TPRX1: variants seen among roughly 807,000 people sequenced by gnomAD.
TPRX1 encodes tetrapeptide repeat homeobox 1, also known as tetra-peptide repeat homeobox protein 1.
A neutral mutation model predicts 8.1 loss-of-function variants in TPRX1; 2 were observed. That is an observed-to-expected ratio of 0.25 (90% CI 0.10 to 0.78). TPRX1 has a LOEUF of 0.78. Ranked by LOEUF, TPRX1 falls within the 30% of genes least tolerant of loss-of-function variation. The pLI, the probability that TPRX1 is intolerant of heterozygous loss-of-function variation, is 0.70. For missense variants in TPRX1, 517 were observed against 586.9 expected, an observed-to-expected ratio of 0.88 and a Z score of 1.23; for synonymous variants, 257 against 254.1, an observed-to-expected ratio of 1.01 and a Z score of -0.11.
Position 47,810,230 on chromosome 19 carries a change from C to T in TPRX1, c.152-6557G>A, listed in dbSNP as rs192135670. Among the ~76,000 whole-genome samples, 174 of 108,926 alleles carry T rather than the reference C, an allele frequency of 1.6e-3. 1 individual carries two copies. The highest frequency in any genetic ancestry group is 5.0e-3 in the African/African-American group (144 of 28,616). 71.5% of individuals were successfully genotyped at this position (108,926 alleles called of 152,430 possible). A position where few individuals can be genotyped will look rare whatever the true frequency, so the allele number is the denominator to read the frequency against. On this transcript the variant is annotated intron_variant, in intron 2 of 3. Transcript: ENST00000535759. The stretch of plus-strand genomic sequence containing the variant: ...AGATTGTGCCACTGCACTCCAGCCC[C>T]GGCGACAGAGTGAGACTCCATCTCA...
chr19:47,816,585 TG>T (rs1351685039), intron 2 of TPRX1, among the ~76,000 whole-genome samples: 1 of 140,148 alleles, frequency 7.1e-6, no homozygotes, highest in Non-Finnish European at 1.5e-5. Flanking sequence ...CAGGCTGGAG[TG>T]CGGTGGCACA....
chr19:47,815,164 T>A (rs186786301), intron 2 of TPRX1, among the ~76,000 whole-genome samples: 6,013 of 49,518 alleles, frequency 0.12, 454 homozygotes, highest in East Asian at 0.21. Context: ...ATATATATAT[T>A]TTTTTTTTTT....
intron 2 of TPRX1, among the ~76,000 whole-genome samples, chr19:47,807,749 A>G (rs1599952982): frequency 6.6e-6 from 1 of 152,202 alleles, no homozygotes; most frequent in Non-Finnish European, 1.5e-5. Flanking sequence ...TTAATGCAAA[A>G]CTCAGCATAT....
chr19:47,806,576 C>T (rs970928696), intron 2 of TPRX1, among the ~76,000 whole-genome samples: 2 of 152,002 alleles, frequency 1.3e-5, no homozygotes, highest in African/African-American at 4.8e-5. Flanking sequence ...CCCAAAATGT[C>T]ATATATTTAC....
chr19:47,814,959 C>G (rs528525120), intron 2 of TPRX1, among the ~76,000 whole-genome samples: 2 of 150,898 alleles, frequency 1.3e-5, no homozygotes, highest in African/African-American at 4.9e-5. Context: ...GCCACCATGC[C>G]TGGCTAATTT....
rs754457350 is a variant in TPRX1 at position 47,802,131 on chromosome 19, G to T, written c.1171C>A (p.Arg391=). 4.4e-6 allele frequency: 7 copies of T among 1,584,744 alleles called. No homozygotes were observed. The South Asian group carries it at 8.2e-5, about 19-fold the overall frequency. ...AGGCCTGGAAGTGAGCCAGGGCTTC[G>T]CATCCGGCCAGGACTTAAGATGGGA... The change falls in exon 4 of 4, where the codon CGA becomes AGA. Residue 391 remains arginine (R), a synonymous_variant. Coordinates refer to ENST00000535759, the Ensembl canonical transcript of TPRX1.
intron 2 of TPRX1, among the ~76,000 whole-genome samples, chr19:47,817,416 C>T (rs887882697): frequency 6.6e-6 from 1 of 152,154 alleles, no homozygotes; most frequent in South Asian, 2.1e-4. Flanking sequence ...TGGGCCAGCA[C>T]CTGCCCCGGA....
At chr19:47,801,674 G>A (rs1159086889) in exon 4 of TPRX1, 1 of 1,372,234 alleles carries the variant, frequency 7.3e-7, no homozygotes, top group Non-Finnish European at 9.9e-7. Context: ...CTGCAGCAGG[G>A]TGGGTAAAGG....
chr19:47,802,229 C>T (rs779559562), exon 4 of TPRX1: 17 of 1,606,830 alleles, frequency 1.1e-5, no homozygotes, highest in Non-Finnish European at 1.4e-5. Context: ...TGGGCCTGGG[C>T]CTGAGATTGG....
rs151277466 is a variant in TPRX1, at chr19:47,811,574, C to T, written c.151+6894G>A. ...AGTACAGTGGCGCGATCTCGGCTCA[C>T]TGCAACCTCCGCCTCCCGGATTCAA... On this transcript the variant is annotated intron_variant, in intron 2 of 3. Transcript: ENST00000535759. Among the ~76,000 whole-genome samples the T allele has an allele frequency of 1.8e-4, 27 of 150,768 alleles. No individual in the cohort carries two copies. The East Asian group carries it at 5.3e-3, about 30-fold the overall frequency.
At chr19:47,804,982 G>T (rs548996632) in intron 2 of TPRX1, among the ~76,000 whole-genome samples, 1 of 152,272 alleles carries the variant, frequency 6.6e-6, no homozygotes, top group East Asian at 1.9e-4. Flanking sequence ...CTGGCTCCTG[G>T]GCTGCCTGCC....
At chr19:47,801,348 A>G (rs554371137) in exon 4 of TPRX1, 175 of 162,736 alleles carry the variant, frequency 1.1e-3, no homozygotes, top group African/African-American at 3.9e-3. Flanking sequence ...CTAAGGTTCA[A>G]TTAACATGTG....
intron 3 of TPRX1, 99 bp from the exon 3 acceptor site, chr19:47,803,079 C>T: frequency 7.4e-7 from 1 of 1,345,386 alleles, no homozygotes; most frequent in Non-Finnish European, 9.8e-7. Flanking sequence ...TCTCCCTGTG[C>T]TCAACAGCCC....
intron 2 of TPRX1, among the ~76,000 whole-genome samples, chr19:47,811,056 C>T (rs577945869): frequency 1.3e-5 from 2 of 150,630 alleles, no homozygotes; most frequent in South Asian, 2.1e-4. Context: ...CAGGCTGGAC[C>T]GCAGTGGAGT....
chr19:47,809,618 C>T (rs1967764617), intron 2 of TPRX1, among the ~76,000 whole-genome samples: 1 of 152,146 alleles, frequency 6.6e-6, no homozygotes, highest in South Asian at 2.1e-4. Flanking sequence ...AAAACTCCTG[C>T]AAAAGTAATT....
intron 1 of TPRX1, chr19:47,818,936 C>T (rs895768434): frequency 3.5e-5 from 9 of 259,324 alleles, no homozygotes; most frequent in South Asian, 9.2e-5. Context: ...ATGTTCCCCA[C>T]CCTGTGTCCA....
chr19:47,802,986 G>T lies in TPRX1; in HGVS notation c.322-6C>A, dbSNP rs561670291. 1,028 of 1,542,432 alleles carry T rather than the reference G, an allele frequency of 6.7e-4. 3 individuals are homozygous for T. The highest frequency in any genetic ancestry group is 4.0e-4 in the Non-Finnish European group (467 of 1,153,344). On this transcript the variant is annotated splice_polypyrimidine_tract_variant and splice_region_variant and intron_variant, in intron 3 of 3. Transcript: ENST00000535759. ...CGGCGATTCTTGAACCACACCTGGG[G>T]GGCAGAGGGGACAGGGAGAAGGTGT...
chr19:47,812,500 G>A (rs534157079), intron 2 of TPRX1, among the ~76,000 whole-genome samples: 1 of 152,090 alleles, frequency 6.6e-6, no homozygotes, highest in African/African-American at 2.4e-5. Flanking sequence ...TTGGGAGGCC[G>A]AGTCAGGAGG....
At chr19:47,816,571 C>T (rs1235723368) in intron 2 of TPRX1, among the ~76,000 whole-genome samples, 7 of 140,578 alleles carry the variant, frequency 5.0e-5, no homozygotes, top group Middle Eastern at 4.4e-3. Flanking sequence ...CTCACGCCGT[C>T]GCCCAGGCTG....
Sources: allele counts gnomAD v4.1 joint callset (sites outside exome capture counted in the v4.1 genomes callset), GRCh38; gene constraint gnomAD v4.1.1; transcripts MANE v1.5; gene names NCBI Gene and HGNC (gene_info 2026-07-23, HGNC 2026-07-21).